Variants in KAT14 observed in about 807,000 individuals in gnomAD.
KAT14 encodes cysteine-rich protein 2-binding protein.
KAT14 carries 66 observed loss-of-function variants against 78.4 expected under a neutral mutation model. The ratio of observed to expected loss-of-function variants is 0.84; its 90% CI spans 0.69 to 1.03. KAT14 has a LOEUF of 1.03. Among genes scored for constraint, KAT14 ranks in the 50% least tolerant of loss-of-function variants. The pLI, the probability that KAT14 is intolerant of heterozygous loss-of-function variation, is 0.00. For missense variants in KAT14, 870 were observed against 972.5 expected (o/e 0.89, Z 1.40); for synonymous variants, 344 against 359.4 (o/e 0.96, Z 0.48).
chr20:18,145,460 C>CT, intron 3 of KAT14, 109 bp downstream of exon 3: 1 of 1,449,170 alleles, frequency 6.9e-7, no homozygotes, highest in Non-Finnish European at 9.4e-7. Context: ...TGGAGGGGCA[C>CT]TTTTTATTTC....
intron 7 of KAT14, among the ~76,000 whole-genome samples, chr20:18,170,822 C>T (rs1236006226): frequency 3.3e-5 from 5 of 152,208 alleles, no homozygotes; most frequent in Non-Finnish European, 7.3e-5. Context: ...CAGGCATGAG[C>T]CACCGTGCCC....
chr20:18,150,990 T>C (rs1460724358), intron 4 of KAT14, 48 bp downstream of exon 4: 1 of 1,603,174 alleles, frequency 6.2e-7, no homozygotes, highest in South Asian at 1.1e-5. Context: ...ATGTAAAGAA[T>C]GAAGTATACA....
intron 1 of KAT14, among the ~76,000 whole-genome samples, chr20:18,141,051 T>TTTTTTTTTTTTGTTG (rs58888387): frequency 9.1e-6 from 1 of 109,704 alleles, no homozygotes; most frequent in Admixed American, 1.1e-4. Flanking sequence ...TTTTTTATTT[T>TTTTTTTTTTTTGTTG]TATTTTTGCT....
chr20:18,142,798 A>T lies in KAT14; in HGVS notation c.138A>T (p.Ala46=). 6.2e-7 allele frequency: 1 copy of T among 1,614,236 alleles called. No individual in the cohort carries two copies. Among genetic ancestry groups the T allele is most frequent in the South Asian group, 1.1e-5 (1 of 91,086 alleles). ...TLLIVESEDQ[A]SVDLSHDQSG... ...TGATCGTCGAATCCGAGGATCAGGC[A>T]TCAGTGGACTTATCGCACGACCAGA... Residue 46 remains alanine, a synonymous_variant, in exon 2 of 11, where the codon GCA becomes GCT. Coordinates refer to ENST00000688188, the MANE Select transcript of KAT14 (RefSeq NM_001392073.1).
At chr20:18,151,001 G>T (rs545388001) in intron 4 of KAT14, 59 bp downstream of exon 4, 1 of 1,590,002 alleles carries the variant, frequency 6.3e-7, no homozygotes, top group African/African-American at 1.4e-5. Flanking sequence ...GAAGTATACA[G>T]GATTTGAGAC....
chr20:18,145,479 AT>A, intron 3 of KAT14, 128 bp downstream of exon 3: 1 of 1,344,616 alleles, frequency 7.4e-7, no homozygotes, highest in African/African-American at 1.5e-5. Context: ...TCGCAATGAA[AT>A]TAGATACCGA....
At chr20:18,156,037 A>G (rs1205227) in intron 4 of KAT14, among the ~76,000 whole-genome samples, 80,031 of 152,026 alleles carry the variant, frequency 0.53, 21,310 homozygotes, top group East Asian at 0.69. Context: ...ATATACATAC[A>G]GTGGATATCA....
Position 18,162,930 on chromosome 20 carries a change from C to G in KAT14, c.1653C>G (p.Ile551Met). 1 of 1,613,978 alleles carries G rather than the reference C, an allele frequency of 6.2e-7. No homozygotes were observed. The highest frequency in any genetic ancestry group is 8.5e-7 in the Non-Finnish European group (1 of 1,179,926). ...TYRTTCQDFRILDRYQTSLPS... is the reference protein window; with the variant it reads ...TYRTTCQDFRMLDRYQTSLPS... ...GAACCACCTGTCAGGACTTCAGAAT[C>G]CTTGACCGATACCAGGTGAATGCAA... The change falls in exon 7 of 11, where the codon ATC becomes ATG. Residue 551 changes from isoleucine to methionine, a missense_variant. Physicochemically the swap from Ile to Met is conservative, Grantham distance 10. Coordinates refer to ENST00000688188, the MANE Select transcript of KAT14 (RefSeq NM_001392073.1).
chr20:18,174,748 C>G (rs2038972139), intron 7 of KAT14, among the ~76,000 whole-genome samples: 2 of 151,046 alleles, frequency 1.3e-5, no homozygotes, highest in Admixed American at 6.6e-5. Context: ...ACTGCAACCT[C>G]TGCCTCCTGG....
intron 10 of KAT14, 76 bp from the exon 11 acceptor site, chr20:18,187,209 TA>T: frequency 6.6e-7 from 1 of 1,513,760 alleles, no homozygotes; most frequent in Non-Finnish European, 8.8e-7. Context: ...TGCCTACACT[TA>T]AAAGCGTTTC....
chr20:18,180,607 C>T (rs1271811973), intron 7 of KAT14, among the ~76,000 whole-genome samples: 3 of 152,072 alleles, frequency 2.0e-5, no homozygotes, highest in African/African-American at 7.2e-5. Flanking sequence ...AAGACATACC[C>T]AAGACTGGGA....
At chr20:18,137,487 A>C (rs889762612), upstream of KAT14, among the ~76,000 whole-genome samples, 2 of 152,124 alleles carry the variant, frequency 1.3e-5, no homozygotes, top group African/African-American at 4.8e-5. Flanking sequence ...AGGAGCAATG[A>C]GGGGGCTGCG....
intron 7 of KAT14, among the ~76,000 whole-genome samples, chr20:18,174,099 T>A (rs12106036): frequency 0.024 from 3,657 of 152,306 alleles, 166 homozygotes; most frequent in African/African-American, 0.084. Flanking sequence ...GAACACTTTC[T>A]TTCACTTAGC....
chr20:18,181,847 G>A lies in KAT14; in HGVS notation c.1805+1G>A, dbSNP rs1341767173. 6 of 1,613,946 alleles carry A rather than the reference G, an allele frequency of 3.7e-6. No homozygotes were observed. The South Asian group carries it at 6.6e-5, about 18-fold the overall frequency. Reference sequence around the variant, plus strand: ...CTCGGATCTTGAAACCTTATATCAGGTATATGGAGAACTAGAGGTGTGATG... The same window carrying A: ...CTCGGATCTTGAAACCTTATATCAGATATATGGAGAACTAGAGGTGTGATG... On this transcript the variant is annotated splice_donor_variant, in intron 8 of 10. Coordinates refer to ENST00000688188, the MANE Select transcript of KAT14 (RefSeq NM_001392073.1). LOFTEE classifies it high-confidence loss of function.
intron 3 of KAT14, among the ~76,000 whole-genome samples, chr20:18,149,276 C>T (rs1292117144): frequency 1.3e-5 from 2 of 152,160 alleles, no homozygotes; most frequent in African/African-American, 2.4e-5. Flanking sequence ...TAAGTACATT[C>T]ACATTGCTGT....
At chr20:18,166,475 A>C (rs941430259) in intron 7 of KAT14, among the ~76,000 whole-genome samples, 8 of 152,380 alleles carry the variant, frequency 5.3e-5, no homozygotes, top group Admixed American at 1.3e-4. Context: ...AGGGCTTAAC[A>C]AAGAGTTATT....
At position 18,142,333 on chromosome 20, in the gene KAT14, G is replaced by A; in HGVS notation, c.-328G>A. 1 of 1,536,426 alleles carries A rather than the reference G, an allele frequency of 6.5e-7. No homozygotes were observed. The highest frequency in any genetic ancestry group is 1.2e-5 in the South Asian group (1 of 83,960). ...AAGCAGAAAGAGAGAAGATGTTATT[G>A]GCAAAAGGATCTCAAAAATCATGAC... On this transcript the variant is annotated 5_prime_UTR_variant, in exon 2 of 11. Coordinates refer to ENST00000688188, the MANE Select transcript of KAT14 (RefSeq NM_001392073.1).
chr20:18,182,964 A>G (rs1568675748), intron 8 of KAT14, among the ~76,000 whole-genome samples, 159 bp from the exon 9 acceptor site: 1 of 152,212 alleles, frequency 6.6e-6, no homozygotes, highest in Non-Finnish European at 1.5e-5. Context: ...TAGATTTCAT[A>G]CATAAAAGTA....
chr20:18,183,586 T>C (rs2039345960), intron 9 of KAT14: 4 of 967,724 alleles, frequency 4.1e-6, no homozygotes, highest in Non-Finnish European at 4.9e-6. Context: ...TACCAGGTAA[T>C]GTCTATCAAA....
Sources: gnomAD v4.1 joint callset for allele counts (sites outside exome capture counted in the v4.1 genomes callset) on GRCh38, gnomAD v4.1.1 for gene constraint, MANE v1.5 for transcripts, NCBI Gene and HGNC (gene_info 2026-07-23, HGNC 2026-07-21) for gene names.